Variants in CMTM8 observed in about 807,000 individuals in gnomAD.
CMTM8 encodes the protein CKLF like MARVEL transmembrane domain containing 8.
Under a neutral mutation model 18.6 loss-of-function variants are expected in CMTM8, and 12 were observed. The observed-to-expected ratio is 0.65, with a 90% CI of 0.41 to 1.05. The LOEUF is 1.05. Among genes scored for constraint, CMTM8 ranks in the 50% least tolerant of loss-of-function variants. The pLI is 0.00. For synonymous variants in CMTM8, 87 were observed against 90.6 expected (o/e 0.96, Z 0.23); for missense variants, 217 against 227.2 (o/e 0.95, Z 0.29).
intron 1 of CMTM8, among the ~76,000 whole-genome samples, chr3:32,275,635 A>G (rs1363342335): frequency 7.5e-6 from 1 of 133,158 alleles, no homozygotes; most frequent in African/African-American, 2.8e-5. Context: ...AAGGCCCCCC[A>G]TGTACTTCCT....
chr3:32,333,868 C>A (rs971054178), intron 1 of CMTM8, among the ~76,000 whole-genome samples: 3 of 151,844 alleles, frequency 2.0e-5, no homozygotes, highest in African/African-American at 7.3e-5. Context: ...GGGCTTTGGT[C>A]AATAATAATG....
intron 1 of CMTM8, chr3:32,259,570 C>T: frequency 1.1e-6 from 1 of 879,862 alleles, no homozygotes; most frequent in Non-Finnish European, 1.9e-6. Context: ...AGGAACTGCT[C>T]TTCATGAAGA....
rs75095552 is a variant in CMTM8 at position 32,298,438 on chromosome 3, C to CTT, written c.148-58917_148-58916dup. ...ACAGAGATACTATAAACATACCCCC[C>CTT]TTTTTTTTTTTTTTTTTTTACTTTC... On this transcript the variant is annotated intron_variant, in intron 1 of 3. Coordinates refer to ENST00000307526, the MANE Select transcript of CMTM8 (RefSeq NM_178868.5). Among the ~76,000 whole-genome samples the CTT allele has an allele frequency of 1.7e-3, 239 of 139,082 alleles. 3 individuals are homozygous for CTT. The highest frequency in any genetic ancestry group is 5.6e-3 in the African/African-American group (210 of 37,616). 91.2% of individuals were successfully genotyped at this position (139,082 alleles called of 152,430 possible).
chr3:32,335,756 G>T (rs1696374181), intron 1 of CMTM8, among the ~76,000 whole-genome samples: 1 of 152,162 alleles, frequency 6.6e-6, no homozygotes, highest in African/African-American at 2.4e-5. Context: ...GGGAATTTCA[G>T]AATTAAGAAT....
chr3:32,308,329 T>C (rs936631852), intron 1 of CMTM8, among the ~76,000 whole-genome samples: 40 of 152,238 alleles, frequency 2.6e-4, no homozygotes, highest in African/African-American at 9.4e-4. Flanking sequence ...CAGAAAAATA[T>C]ATTGAGTTGT....
At chr3:32,338,282 T>C (rs1262180233) in intron 1 of CMTM8, among the ~76,000 whole-genome samples, 1 of 152,098 alleles carries the variant, frequency 6.6e-6, no homozygotes. Context: ...GTGCCCGGCC[T>C]GGCCTTTTAC....
chr3:32,280,518 C>T (rs1702590379), intron 1 of CMTM8, among the ~76,000 whole-genome samples: 2 of 152,136 alleles, frequency 1.3e-5, no homozygotes, highest in African/African-American at 4.8e-5. Flanking sequence ...TTTACATAGG[C>T]TGTAACCAAG....
chr3:32,255,992 T>G (rs541550527), intron 1 of CMTM8, among the ~76,000 whole-genome samples: 6 of 152,312 alleles, frequency 3.9e-5, no homozygotes, highest in Admixed American at 3.9e-4. Flanking sequence ...CCTCCCAAAG[T>G]GCTGGGGTTA....
intron 1 of CMTM8, among the ~76,000 whole-genome samples, chr3:32,282,215 A>T (rs948207478): frequency 6.6e-6 from 1 of 152,174 alleles, no homozygotes; most frequent in Admixed American, 6.5e-5. Flanking sequence ...CAGTCAGCAA[A>T]ATCTAGATTG....
intron 1 of CMTM8, among the ~76,000 whole-genome samples, chr3:32,254,770 A>T (rs1378479778): frequency 6.6e-6 from 1 of 152,196 alleles, no homozygotes; most frequent in Non-Finnish European, 1.5e-5. Flanking sequence ...TGTAAAGTTC[A>T]CCCATTCAAA....
chr3:32,243,333 C>G (rs1194988996), intron 1 of CMTM8, among the ~76,000 whole-genome samples: 1 of 151,670 alleles, frequency 6.6e-6, no homozygotes, highest in Non-Finnish European at 1.5e-5. Context: ...GAGTTTGAGA[C>G]CAGCCCAGCC....
At chr3:32,249,499 C>T (rs905431158) in intron 1 of CMTM8, among the ~76,000 whole-genome samples, 1 of 151,688 alleles carries the variant, frequency 6.6e-6, no homozygotes, top group Non-Finnish European at 1.5e-5. Context: ...TACTGCTTTA[C>T]AATCCCTGCT....
chr3:32,278,177 A>G (rs1702547513), intron 1 of CMTM8, among the ~76,000 whole-genome samples: 2 of 152,164 alleles, frequency 1.3e-5, no homozygotes, highest in African/African-American at 2.4e-5. Flanking sequence ...TCAAGATCCA[A>G]CCTGGAAGTT....
At chr3:32,249,785 T>G (rs925248389) in intron 1 of CMTM8, among the ~76,000 whole-genome samples, 7 of 152,218 alleles carry the variant, frequency 4.6e-5, no homozygotes, top group African/African-American at 1.7e-4. Context: ...GATAAATCCC[T>G]TATCAGATAT....
intron 1 of CMTM8, among the ~76,000 whole-genome samples, chr3:32,300,349 A>G (rs1043500693): frequency 3.3e-5 from 5 of 152,214 alleles, no homozygotes; most frequent in Non-Finnish European, 5.9e-5. Flanking sequence ...GGTCAGTCAG[A>G]TTATTTCTTT....
intron 1 of CMTM8, among the ~76,000 whole-genome samples, chr3:32,256,432 T>C (rs1702175266): frequency 6.6e-6 from 1 of 152,148 alleles, no homozygotes; most frequent in South Asian, 2.1e-4. Context: ...CCTGTTAGGC[T>C]CAGTACCTCC....
chr3:32,345,358 AAAC>A (rs888219401), intron 1 of CMTM8, among the ~76,000 whole-genome samples: 5 of 152,002 alleles, frequency 3.3e-5, no homozygotes, highest in African/African-American at 1.2e-4. Context: ...CAGTCTCAAA[AAAC>A]AACAATTTTT....
chr3:32,348,634 G>T (rs1696648093), intron 1 of CMTM8, among the ~76,000 whole-genome samples: 1 of 146,244 alleles, frequency 6.8e-6, no homozygotes, highest in South Asian at 2.3e-4. Context: ...AAGTAGCTAG[G>T]ACTACAGGCA....
intron 1 of CMTM8, among the ~76,000 whole-genome samples, chr3:32,260,799 A>G (rs570653001): frequency 1.3e-5 from 2 of 152,192 alleles, no homozygotes; most frequent in East Asian, 3.9e-4. Flanking sequence ...TATATAACAC[A>G]TAGATTAATT....
Sources: gnomAD v4.1 joint callset for allele counts (sites outside exome capture counted in the v4.1 genomes callset) on GRCh38, gnomAD v4.1.1 for gene constraint, MANE v1.5 for transcripts, NCBI Gene and HGNC (gene_info 2026-07-23, HGNC 2026-07-21) for gene names.